The following SLC39A10 variants were observed in gnomAD, a reference collection of about 807,000 sequenced individuals.
SLC39A10 encodes zinc transporter ZIP10.
SLC39A10 carries 13 observed loss-of-function variants against 65.1 expected under a neutral mutation model. The observed-to-expected ratio is 0.20, with a 90% CI of 0.13 to 0.32. SLC39A10 has a LOEUF of 0.32. SLC39A10 is among the 10% of genes least tolerant of loss of function. The pLI is 1.00. For missense variants in SLC39A10, 831 were observed against 1,018.4 expected (o/e 0.82, Z 2.50); for synonymous variants, 321 against 342.2 (o/e 0.94, Z 0.68).
chr2:195,705,684 A>C (rs1326311201), intron 3 of SLC39A10, among the ~76,000 whole-genome samples: 1 of 152,182 alleles, frequency 6.6e-6, no homozygotes, highest in Non-Finnish European at 1.5e-5. Context: ...AAATCTTTAT[A>C]AAATTATTGC....
chr2:195,721,111 T>C (rs754167991), intron 8 of SLC39A10, among the ~76,000 whole-genome samples: 1 of 151,830 alleles, frequency 6.6e-6, no homozygotes, highest in Non-Finnish European at 1.5e-5. Flanking sequence ...CCAGCTAATT[T>C]TTGTATTTTT....
Position 195,682,863 on chromosome 2 carries a change from A to AT in SLC39A10, c.1009-836_1009-835insT, listed in dbSNP as rs71015717. Among the ~76,000 whole-genome samples, 458 of 152,120 alleles carry AT rather than the reference A, an allele frequency of 3.0e-3. 3 individuals are homozygous for AT. The highest frequency in any genetic ancestry group is 4.0e-3 in the Non-Finnish European group (275 of 67,942). On this transcript the variant is annotated intron_variant, in intron 2 of 9. Coordinates refer to ENST00000359634, the MANE Select transcript of SLC39A10 (RefSeq NM_020342.3). ...AATAGAAAAAAATAAAAAATAAAAA[A>AT]AAAAAACTAAGAAGAATCATTTTTC...
At chr2:195,666,038 T>A (rs1689622692) in intron 1 of SLC39A10, among the ~76,000 whole-genome samples, 1 of 152,230 alleles carries the variant, frequency 6.6e-6, no homozygotes, top group African/African-American at 2.4e-5. Flanking sequence ...ATAATTAGCT[T>A]GATTTTTTTG....
chr2:195,689,508 CAT>C (rs950046029), intron 3 of SLC39A10, among the ~76,000 whole-genome samples: 27 of 152,026 alleles, frequency 1.8e-4, no homozygotes, highest in African/African-American at 5.3e-4. Context: ...AATTATATAA[CAT>C]AAAATTTGCC....
intron 2 of SLC39A10, among the ~76,000 whole-genome samples, chr2:195,681,753 T>G (rs895800422): frequency 6.6e-6 from 1 of 152,214 alleles, no homozygotes; most frequent in Admixed American, 6.5e-5. Flanking sequence ...AGCCATGTTC[T>G]AGGTATTTGA....
intron 3 of SLC39A10, among the ~76,000 whole-genome samples, chr2:195,687,140 A>T (rs1386987857): frequency 6.6e-6 from 1 of 152,120 alleles, no homozygotes; most frequent in Non-Finnish European, 1.5e-5. Context: ...TGGTGGATGA[A>T]TAAGCGCCCT....
chr2:195,712,757 G>C (rs778403118), intron 5 of SLC39A10, among the ~76,000 whole-genome samples: 2 of 152,078 alleles, frequency 1.3e-5, no homozygotes, highest in Admixed American at 6.5e-5. Context: ...ACAATAATTA[G>C]TATTTGTAAC....
chr2:195,679,649 T>A (rs369766477), intron 1 of SLC39A10, among the ~76,000 whole-genome samples: 2 of 152,318 alleles, frequency 1.3e-5, no homozygotes, highest in South Asian at 2.1e-4. Context: ...TCTCAATAAT[T>A]TCTCTCTTTT....
chr2:195,714,688 A>G (rs1482823795), intron 6 of SLC39A10, among the ~76,000 whole-genome samples: 4 of 152,260 alleles, frequency 2.6e-5, no homozygotes, highest in Non-Finnish European at 5.9e-5. Flanking sequence ...TTCAAGTTCA[A>G]TATTTAATAC....
At chr2:195,694,291 G>A (rs896387118) in intron 3 of SLC39A10, among the ~76,000 whole-genome samples, 3 of 152,180 alleles carry the variant, frequency 2.0e-5, no homozygotes, top group African/African-American at 7.2e-5. Context: ...TGGGTAGAAT[G>A]TTCTGTAAAT....
chr2:195,619,178 G>T (rs1185656811), intron 2 of SLC39A10, among the ~76,000 whole-genome samples: 1 of 151,814 alleles, frequency 6.6e-6, no homozygotes, highest in African/African-American at 2.4e-5. Flanking sequence ...TCTAATACGG[G>T]TAGACCAATC....
chr2:195,657,901 C>T (rs1255720684), intron 1 of SLC39A10, among the ~76,000 whole-genome samples: 3 of 152,194 alleles, frequency 2.0e-5, no homozygotes, highest in Non-Finnish European at 4.4e-5. Flanking sequence ...TACTAGTTTT[C>T]TCCCGGACCA....
At chr2:195,692,105 G>T (rs1574277558) in intron 3 of SLC39A10, among the ~76,000 whole-genome samples, 1 of 152,212 alleles carries the variant, frequency 6.6e-6, no homozygotes, top group South Asian at 2.1e-4. Flanking sequence ...GTTAAATAGG[G>T]TGTCCTTTCC....
At chr2:195,723,051 G>C (rs1179274395) in intron 8 of SLC39A10, among the ~76,000 whole-genome samples, 5 of 152,150 alleles carry the variant, frequency 3.3e-5, no homozygotes. Context: ...GTTTCTGCAG[G>C]TGTTTTTTGT....
chr2:195,639,792 TC>T (rs1177290792), intron 2 of SLC39A10, among the ~76,000 whole-genome samples: 1 of 152,130 alleles, frequency 6.6e-6, no homozygotes, highest in Non-Finnish European at 1.5e-5. Flanking sequence ...CCCAAGCTGG[TC>T]TTGAACTCCT....
Position 195,666,728 on chromosome 2 carries a change from C to G in SLC39A10, c.-12+9447C>G, listed in dbSNP as rs1164903618. Among the ~76,000 whole-genome samples the G allele has an allele frequency of 2.0e-5, 3 of 152,162 alleles. No individual in the cohort carries two copies. The East Asian group carries it at 5.8e-4, about 29-fold the overall frequency. On this transcript the variant is annotated intron_variant, in intron 1 of 9. Transcript: ENST00000359634. ...ATGCCTGCTTTGGTCTCCCAAAGTG[C>G]TGGGATTACAGGTGTGAGCCACTGC... is the stretch of plus-strand genomic sequence containing the variant.
At chr2:195,714,072 G>A (rs1251174092) in intron 6 of SLC39A10, among the ~76,000 whole-genome samples, 2 of 151,940 alleles carry the variant, frequency 1.3e-5, no homozygotes, top group Non-Finnish European at 1.5e-5. Flanking sequence ...GACTACAGGC[G>A]CCCACCACCA....
At chr2:195,729,479 A>G (rs551411769) in intron 9 of SLC39A10, among the ~76,000 whole-genome samples, 45 of 152,290 alleles carry the variant, frequency 3.0e-4, no homozygotes, top group Non-Finnish European at 3.7e-4. Context: ...GAAGCTATCA[A>G]TCCACAAGTT....
chr2:195,733,741 G>T (rs1315036955), intron 9 of SLC39A10, among the ~76,000 whole-genome samples: 2 of 151,950 alleles, frequency 1.3e-5, no homozygotes, highest in African/African-American at 4.8e-5. Context: ...TGTTGTTCAG[G>T]CTGGTCTCAA....
Sources: gnomAD v4.1 joint callset for allele counts (sites outside exome capture counted in the v4.1 genomes callset) on GRCh38, gnomAD v4.1.1 for gene constraint, MANE v1.5 for transcripts, NCBI Gene and HGNC (gene_info 2026-07-23, HGNC 2026-07-21) for gene names.